TRIM2: variants seen among roughly 807,000 people sequenced by gnomAD.
TRIM2 encodes tripartite motif-containing protein 2.
A neutral mutation model predicts 75.2 loss-of-function variants in TRIM2; 20 were observed. The ratio of observed to expected loss-of-function variants is 0.27; its 90% CI spans 0.19 to 0.39. TRIM2 has a LOEUF of 0.39. Ranked by LOEUF, TRIM2 falls within the 10% of genes least tolerant of loss-of-function variation. The pLI, the probability that TRIM2 is intolerant of heterozygous loss-of-function variation, is 1.00. For missense variants in TRIM2, 660 were observed against 990.8 expected, an observed-to-expected ratio of 0.67 and a Z score of 4.48; for synonymous variants, 373 against 388.3, an observed-to-expected ratio of 0.96 and a Z score of 0.46.
At position 153,336,301 on chromosome 4, in the gene TRIM2, G is replaced by A; in HGVS notation, c.*1335G>A. 1.0e-6 allele frequency: 1 copy of A among 982,692 alleles called. No homozygotes were observed. Among genetic ancestry groups the A allele is most frequent in the Non-Finnish European group, 1.2e-6 (1 of 829,474 alleles). The allele number at this position is 982,692 out of a possible 1,614,324, so 60.9% of individuals were successfully genotyped here. The stretch of plus-strand genomic sequence containing the variant: ...AGATTTAATTTTTGCCATTTTCCAA[G>A]AATGACGGTGGTGGCTTTTAGTCAG... On this transcript the variant is annotated 3_prime_UTR_variant, in exon 12 of 12. Transcript: ENST00000338700.
chr4:153,275,829 T>C (rs1757894969), intron 2 of TRIM2, 64 bp from the exon 3 acceptor site: 17 of 1,432,326 alleles, frequency 1.2e-5, no homozygotes, highest in Non-Finnish European at 1.6e-5. Context: ...AGAACATGTA[T>C]GGTACCTGTG....
intron 1 of TRIM2, among the ~76,000 whole-genome samples, chr4:153,216,544 G>C (rs541752856): frequency 3.3e-5 from 5 of 152,160 alleles, no homozygotes; most frequent in Non-Finnish European, 7.3e-5. Flanking sequence ...ACAAAAGGAG[G>C]CATGTCTCTC....
At chr4:153,320,931 G>A (rs753546427) in intron 8 of TRIM2, among the ~76,000 whole-genome samples, 24 of 151,922 alleles carry the variant, frequency 1.6e-4, no homozygotes, top group African/African-American at 5.1e-4. Flanking sequence ...CGCGCCCGGC[G>A]AAGAGTTCTT....
intron 3 of TRIM2, 24 bp from the exon 4 acceptor site, chr4:153,292,958 G>A (rs368255667): frequency 4.0e-5 from 64 of 1,582,628 alleles, no homozygotes; most frequent in Middle Eastern, 1.7e-4. Context: ...CCAGAACCAG[G>A]AACTTTTCTT....
At chr4:153,180,724 C>T (rs759356379) in intron 1 of TRIM2, among the ~76,000 whole-genome samples, 3 of 152,134 alleles carry the variant, frequency 2.0e-5, no homozygotes, top group African/African-American at 4.8e-5. Context: ...GTGATCTGCC[C>T]GCCTCAGCCT....
chr4:153,162,253 A>G (rs1458241281), intron 1 of TRIM2, among the ~76,000 whole-genome samples: 2 of 152,234 alleles, frequency 1.3e-5, no homozygotes, highest in African/African-American at 2.4e-5. Context: ...TGATATAGAT[A>G]TAGATGATAT....
chr4:153,203,639 C>T (rs998646996), upstream of TRIM2, among the ~76,000 whole-genome samples: 1 of 151,774 alleles, frequency 6.6e-6, no homozygotes, highest in Non-Finnish European at 1.5e-5. Flanking sequence ...CTCCTGTAAT[C>T]CCAGCACTTT....
Position 153,276,124 on chromosome 4 carries a change from T to A in TRIM2, c.447T>A (p.Asp149Glu). 6.2e-7 allele frequency: 1 copy of A among 1,614,004 alleles called. No homozygotes were observed. The highest frequency in any genetic ancestry group is 8.5e-7 in the Non-Finnish European group (1 of 1,179,874). The change falls in exon 3 of 12, where the codon GAT (aspartate) becomes GAA (glutamate). Residue 149 changes from aspartate to glutamate, a missense_variant. Transcript: ENST00000338700. ...AGKPLSCPNH[D>E]GNVMEFYCQS... is the part of the protein sequence containing the mutation. ...AGCCTCTCTCTTGCCCAAACCACGA[T>A]GGGAATGTAAGTGGCTGGGATGGCA... is the stretch of plus-strand genomic sequence containing the variant.
In TRIM2 at chr4:153,192,628, T is replaced by C. The variant is rs1034362692; in HGVS notation, c.-49+39358T>C. Among the ~76,000 whole-genome samples the C allele has an allele frequency of 2.8e-5, 4 of 144,178 alleles. No homozygotes were observed. The East Asian group carries it at 8.0e-4, about 29-fold the overall frequency. 94.6% of individuals were successfully genotyped at this position (144,178 alleles called of 152,430 possible). On this transcript the variant is annotated intron_variant, in intron 1 of 11. Transcript: ENST00000437508. ...AAAAAAAAAAAAAAAAAAAGAAAGT[T>C]AAAAGAGTCTAACAGCAAGTAGAAC...
intron 1 of TRIM2, among the ~76,000 whole-genome samples, chr4:153,261,294 A>G (rs1346780608): frequency 1.3e-5 from 2 of 152,176 alleles, no homozygotes; most frequent in Non-Finnish European, 1.5e-5. Flanking sequence ...GTGGTGGGGT[A>G]CACCTGTAAT....
At chr4:153,202,888 C>T (rs1360492690), upstream of TRIM2, among the ~76,000 whole-genome samples, 3 of 151,648 alleles carry the variant, frequency 2.0e-5, no homozygotes, top group Admixed American at 1.3e-4. Flanking sequence ...GGGCAGATCA[C>T]GAGGTCAAGA....
intron 1 of TRIM2, among the ~76,000 whole-genome samples, chr4:153,218,402 G>T (rs759980767): frequency 1.4e-4 from 21 of 152,126 alleles, no homozygotes; most frequent in Non-Finnish European, 2.8e-4. Context: ...TAGAGACAGG[G>T]TCTCTCTACG....
intron 1 of TRIM2, among the ~76,000 whole-genome samples, chr4:153,255,944 T>A (rs1751981365): frequency 6.6e-6 from 1 of 152,142 alleles, no homozygotes; most frequent in African/African-American, 2.4e-5. Context: ...GGGGATGTGA[T>A]GTGGGAGGGA....
At chr4:153,244,619 G>A (rs1748624045) in intron 1 of TRIM2, among the ~76,000 whole-genome samples, 1 of 151,678 alleles carries the variant, frequency 6.6e-6, no homozygotes, top group Non-Finnish European at 1.5e-5. Context: ...TTATAAGAAA[G>A]CTTTGCATTT....
intron 1 of TRIM2, among the ~76,000 whole-genome samples, chr4:153,159,398 T>C (rs1407548023): frequency 7.0e-6 from 1 of 143,452 alleles, no homozygotes; most frequent in Non-Finnish European, 1.5e-5. Context: ...GGTTCTGGAC[T>C]CAAGTGATCC....
intron 1 of TRIM2, among the ~76,000 whole-genome samples, chr4:153,222,015 GAAAGAGCA>G (rs1560836200): frequency 8.5e-6 from 1 of 117,520 alleles, no homozygotes; most frequent in Non-Finnish European, 1.8e-5. Flanking sequence ...AAGAAGGAAG[GAAAGAGCA>G]AGGAAGGAAG....
chr4:153,311,726 ATTT>A (rs34229298), intron 6 of TRIM2, among the ~76,000 whole-genome samples: 2 of 138,434 alleles, frequency 1.4e-5, no homozygotes, highest in East Asian at 2.1e-4. Context: ...GTGTTTATCA[ATTT>A]TTTTTTTTTT....
In TRIM2 at chr4:153,335,633, G is replaced by A. The variant is rs1295534068; in HGVS notation, c.*667G>A. The A allele has an allele frequency of 1.7e-5, 17 of 985,148 alleles. No individual in the cohort carries two copies. Among genetic ancestry groups the A allele is most frequent in the Admixed American group, 6.2e-5 (1 of 16,248 alleles). 61.0% of individuals were successfully genotyped at this position (985,148 alleles called of 1,614,324 possible). On this transcript the variant is annotated 3_prime_UTR_variant, in exon 12 of 12. Coordinates refer to ENST00000338700, the MANE Select transcript of TRIM2 (RefSeq NM_015271.5). Reference sequence around the variant, plus strand: ...GTGTGTTCTTTTCACCACCCCTTTGGCTCACCTTGTATCAGCAAACAAAGT... The same window carrying A: ...GTGTGTTCTTTTCACCACCCCTTTGACTCACCTTGTATCAGCAAACAAAGT...
At chr4:153,221,314 A>G (rs1446237146) in intron 1 of TRIM2, among the ~76,000 whole-genome samples, 2 of 152,182 alleles carry the variant, frequency 1.3e-5, no homozygotes, top group Admixed American at 6.5e-5. Context: ...TATAATCCCA[A>G]TTACTGGGGA....
Sources: gnomAD v4.1 joint callset for allele counts (sites outside exome capture counted in the v4.1 genomes callset) on GRCh38, gnomAD v4.1.1 for gene constraint, MANE v1.5 for transcripts, NCBI Gene and HGNC (gene_info 2026-07-23, HGNC 2026-07-21) for gene names.